Variants in DYNC1I1 observed in about 807,000 individuals in gnomAD.
DYNC1I1 encodes dynein cytoplasmic 1 intermediate chain 1, also known as cytoplasmic dynein 1 intermediate chain 1.
Under a neutral mutation model 86.6 loss-of-function variants are expected in DYNC1I1, and 43 were observed. The ratio of observed to expected loss-of-function variants is 0.50; its 90% confidence interval spans 0.39 to 0.64. The LOEUF is 0.64. Ranked by LOEUF, DYNC1I1 falls within the 30% of genes least tolerant of loss-of-function variation. The pLI, the probability that DYNC1I1 is intolerant of heterozygous loss-of-function variation, is 0.00. For missense variants in DYNC1I1, 604 were observed against 788.8 expected (o/e 0.77, Z 2.81); for synonymous variants, 262 against 283.7 (o/e 0.92, Z 0.77).
intron 5 of DYNC1I1, among the ~76,000 whole-genome samples, chr7:95,842,454 G>C (rs1321829515): frequency 2.0e-5 from 3 of 152,118 alleles, no homozygotes; most frequent in African/African-American, 7.2e-5. Context: ...TGGGGCTTTG[G>C]GCATTATCAA....
chr7:95,835,654 T>G (rs1404234529), intron 5 of DYNC1I1, among the ~76,000 whole-genome samples: 1 of 152,168 alleles, frequency 6.6e-6, no homozygotes, highest in Non-Finnish European at 1.5e-5. Flanking sequence ...ATCTGGGTGC[T>G]CCTGTATTGG....
chr7:96,092,461 C>G (rs948595320), intron 16 of DYNC1I1, among the ~76,000 whole-genome samples: 1 of 152,164 alleles, frequency 6.6e-6, no homozygotes, highest in African/African-American at 2.4e-5. Flanking sequence ...TAAAGACACA[C>G]AGCAAGTTAA....
At chr7:96,108,556 A>G (rs1420900897) in intron 16 of DYNC1I1, among the ~76,000 whole-genome samples, 3 of 152,050 alleles carry the variant, frequency 2.0e-5, no homozygotes, top group African/African-American at 7.2e-5. Context: ...GAAGTCACCT[A>G]GGCTTGGATT....
chr7:95,906,843 A>G (rs1219654826), intron 6 of DYNC1I1, among the ~76,000 whole-genome samples: 1 of 152,136 alleles, frequency 6.6e-6, no homozygotes, highest in Admixed American at 6.5e-5. Context: ...CAGGACACAC[A>G]TTGGGCAGCC....
chr7:95,785,558 G>T (rs983596749), intron 1 of DYNC1I1, among the ~76,000 whole-genome samples: 1 of 151,462 alleles, frequency 6.6e-6, no homozygotes, highest in African/African-American at 2.4e-5. Context: ...GTACTCTGAC[G>T]GTTTTTATAA....
chr7:95,891,441 C>T (rs1321858802), intron 6 of DYNC1I1, among the ~76,000 whole-genome samples: 1 of 152,150 alleles, frequency 6.6e-6, no homozygotes, highest in African/African-American at 2.4e-5. Context: ...CACTCTTAAC[C>T]TCTGCTTCAT....
chr7:95,844,555 G>A (rs1196221238), intron 5 of DYNC1I1, among the ~76,000 whole-genome samples: 3 of 152,090 alleles, frequency 2.0e-5, no homozygotes, highest in South Asian at 2.1e-4. Context: ...TGCAAAATTC[G>A]GAGACTAGGG....
At chr7:95,833,672 A>G (rs955328089) in intron 5 of DYNC1I1, among the ~76,000 whole-genome samples, 28 of 150,532 alleles carry the variant, frequency 1.9e-4, no homozygotes, top group African/African-American at 5.4e-4. Flanking sequence ...GTTCTCCTTG[A>G]AGAGGTCCCT....
chr7:95,798,793 C>G (rs1401331046), intron 1 of DYNC1I1, among the ~76,000 whole-genome samples: 2 of 152,080 alleles, frequency 1.3e-5, no homozygotes, highest in African/African-American at 2.4e-5. Flanking sequence ...AGAACTAAAC[C>G]CTTTGCATCT....
chr7:96,098,566 A>C (rs1335787123), downstream of DYNC1I1: 1 of 416,264 alleles, frequency 2.4e-6, no homozygotes, highest in African/African-American at 2.2e-5. Flanking sequence ...GGCTGGACTT[A>C]AACCAAGACT....
intron 15 of DYNC1I1, among the ~76,000 whole-genome samples, chr7:96,077,526 T>G (rs1790381201): frequency 6.6e-6 from 1 of 152,220 alleles, no homozygotes; most frequent in Admixed American, 6.5e-5. Context: ...TATAACATTA[T>G]TGTTTTTAAT....
At chr7:96,105,586 G>A (rs1791203388) in intron 16 of DYNC1I1, among the ~76,000 whole-genome samples, 1 of 151,988 alleles carries the variant, frequency 6.6e-6, no homozygotes. Flanking sequence ...TCCCATAATC[G>A]TTCCTTGTGA....
At chr7:95,948,609 G>A (rs981513606) in intron 6 of DYNC1I1, among the ~76,000 whole-genome samples, 1 of 152,168 alleles carries the variant, frequency 6.6e-6, no homozygotes, top group South Asian at 2.1e-4. Flanking sequence ...TTCCAGGGCT[G>A]TACATAGGTA....
intron 6 of DYNC1I1, among the ~76,000 whole-genome samples, chr7:95,925,485 T>C (rs1390192254): frequency 6.6e-6 from 1 of 152,200 alleles, no homozygotes; most frequent in Non-Finnish European, 1.5e-5. Flanking sequence ...CAACTCTAAA[T>C]TATAGCCTGC....
At chr7:95,786,309 C>T (rs1396674838) in intron 1 of DYNC1I1, among the ~76,000 whole-genome samples, 2 of 152,172 alleles carry the variant, frequency 1.3e-5, no homozygotes, top group African/African-American at 4.8e-5. Context: ...AAATGATCCC[C>T]AGTTCGCATC....
At chr7:95,942,440 G>A (rs1792255593) in intron 6 of DYNC1I1, among the ~76,000 whole-genome samples, 1 of 152,094 alleles carries the variant, frequency 6.6e-6, no homozygotes, top group Admixed American at 6.6e-5. Context: ...TTCTACCAGA[G>A]GTACAAGGAG....
At chr7:96,097,427 G>C in intron 16 of DYNC1I1, 56 bp from the exon 17 acceptor site, 1 of 1,594,412 alleles carries the variant, frequency 6.3e-7, no homozygotes, top group Non-Finnish European at 8.6e-7. Context: ...AGGCTTCAAG[G>C]CTTTCAGACA....
chr7:96,010,164 G>T (rs1794241246), intron 10 of DYNC1I1, among the ~76,000 whole-genome samples: 1 of 152,096 alleles, frequency 6.6e-6, no homozygotes, highest in African/African-American at 2.4e-5. Flanking sequence ...TGCCCCACTA[G>T]GTCAAAAGCA....
At chr7:95,810,877 C>A (rs41278812) in intron 3 of DYNC1I1, among the ~76,000 whole-genome samples, 28,916 of 151,918 alleles carry the variant, frequency 0.19, 3,120 homozygotes, top group East Asian at 0.31. Flanking sequence ...TGTCTCTTTG[C>A]CAATCTAAAT....
Sources: allele counts gnomAD v4.1 joint callset (sites outside exome capture counted in the v4.1 genomes callset), GRCh38; gene constraint gnomAD v4.1.1; transcripts MANE v1.5; gene names NCBI Gene and HGNC (gene_info 2026-07-23, HGNC 2026-07-21).